USP26: variants seen among roughly 807,000 people sequenced by gnomAD.
USP26 encodes ubiquitin specific peptidase 26.
For missense variants in USP26, 649 were observed against 642.3 expected (o/e 1.01, Z -0.11); for synonymous variants, 236 against 240.6 (o/e 0.98, Z 0.18).
intron 5 of USP26, among the ~76,000 whole-genome samples, chrX:133,081,487 G>C (rs768317700): frequency 1.8e-5 from 2 of 110,083 alleles, no homozygotes; most frequent in South Asian, 7.8e-4. Context: ...GTAGAGATGG[G>C]GTTTCACCTT....
chrX:133,042,210 G>C (rs2067422357), intron 5 of USP26, among the ~76,000 whole-genome samples: 1 of 111,305 alleles, frequency 9.0e-6, no homozygotes, highest in East Asian at 2.8e-4. Flanking sequence ...CTTTCCAAGG[G>C]AGTGAATAGT....
intron 5 of USP26, among the ~76,000 whole-genome samples, chrX:133,040,405 G>C (rs768558693): frequency 9.0e-6 from 1 of 111,410 alleles, no homozygotes; most frequent in East Asian, 2.8e-4. Flanking sequence ...AAATCCCTCA[G>C]CATTTGCTTG....
At chrX:133,069,170 G>A (rs1284083586) in intron 5 of USP26, among the ~76,000 whole-genome samples, 1 of 111,975 alleles carries the variant, frequency 8.9e-6, no homozygotes, top group Non-Finnish European at 1.9e-5. Context: ...CTGGCATTGT[G>A]AAAGGCAATT....
At chrX:133,091,066 T>C (rs190245465) in intron 2 of USP26, among the ~76,000 whole-genome samples, 217 of 112,418 alleles carry the variant, frequency 1.9e-3, no homozygotes, top group Non-Finnish European at 3.6e-3. Context: ...ATGAGCCCAG[T>C]GTCTTTCAGA....
rs770039895 is a variant in USP26, at chrX:133,025,834, T to C, written c.2387A>G (p.Asn796Ser). The change falls in exon 6 of 6, where the codon AAT becomes AGT. Residue 796 changes from asparagine to serine, a missense_variant. Asn to Ser is a conservative substitution (Grantham distance 46, BLOSUM62 1). Coordinates refer to ENST00000511190, the MANE Select transcript of USP26 (RefSeq NM_031907.3). ...ATCTAAAATGTCTTTGTTTCTTGGA[T>C]TCTTATTGGAACCCAGTGCAAGTAG... Reference protein sequence around the residue: ...NSLLALGSNKNPRNKDILDKI... With the variant: ...NSLLALGSNKSPRNKDILDKI... The C allele has an allele frequency of 4.1e-6, 5 of 1,211,063 alleles. No individual in the cohort carries two copies. The highest frequency in any genetic ancestry group is 5.6e-6 in the Non-Finnish European group (5 of 895,093).
rs746595594 is a variant in USP26, at chrX:133,026,935, C to A, written c.1286G>T (p.Gly429Val). The A allele has an allele frequency of 8.3e-6, 10 of 1,211,129 alleles. No individual in the cohort carries two copies. Among genetic ancestry groups the A allele is most frequent in the Non-Finnish European group, 1.0e-5 (9 of 895,332 alleles). ...QVFADDPDTS[G>V]FSCPVITNFE... is the part of the protein sequence containing the mutation. ...ATTAGTAATGACAGGGCAAGAAAAC[C>A]CACTGGTGTCAGGATCATCAGCAAA... Residue 429 changes from glycine to valine, a missense_variant, in exon 6 of 6, where the codon GGG becomes GTG. By Grantham distance (109) the Gly-to-Val change is moderately radical. Transcript: ENST00000511190.
chrX:133,077,767 T>A (rs1214743932), intron 5 of USP26, among the ~76,000 whole-genome samples: 1 of 111,776 alleles, frequency 8.9e-6, no homozygotes, highest in East Asian at 2.8e-4. Flanking sequence ...TCACTCTGAG[T>A]TCATGTGAGA....
chrX:133,095,933 C>T (rs895337378), intron 1 of USP26, among the ~76,000 whole-genome samples: 1 of 109,875 alleles, frequency 9.1e-6, no homozygotes, highest in African/African-American at 3.3e-5. Context: ...TTAGTAGAGA[C>T]GGGGTTTCAC....
At chrX:133,084,577 G>T (rs376421101) in intron 4 of USP26, among the ~76,000 whole-genome samples, 1 of 98,824 alleles carries the variant, frequency 1.0e-5, no homozygotes, top group Non-Finnish European at 2.0e-5. Context: ...GCAGTGGTGC[G>T]ATCTCGGCTC....
At chrX:133,068,844 A>G (rs910492035) in intron 5 of USP26, among the ~76,000 whole-genome samples, 6 of 112,607 alleles carry the variant, frequency 5.3e-5, no homozygotes, top group Non-Finnish European at 9.4e-5. Flanking sequence ...ACTTCTTTAT[A>G]TATAATAAGC....
intron 5 of USP26, among the ~76,000 whole-genome samples, chrX:133,075,312 T>A (rs1199947538): frequency 8.9e-6 from 1 of 112,459 alleles, no homozygotes; most frequent in African/African-American, 3.2e-5. Flanking sequence ...ACTGTGAGGT[T>A]CTGAGGGAAA....
At chrX:133,052,330 G>T (rs946337140) in intron 5 of USP26, among the ~76,000 whole-genome samples, 4 of 111,958 alleles carry the variant, frequency 3.6e-5, no homozygotes, top group Non-Finnish European at 5.6e-5. Flanking sequence ...GGTGGAAATG[G>T]GGACTTGACA....
intron 5 of USP26, among the ~76,000 whole-genome samples, chrX:133,082,772 T>C (rs2067574695): frequency 9.0e-6 from 1 of 111,397 alleles, no homozygotes; most frequent in South Asian, 3.8e-4. Flanking sequence ...AGATAAGATT[T>C]TTGGGATCAC....
chrX:133,027,628 T>C lies in USP26; in HGVS notation c.593A>G (p.Asn198Ser). The C allele has an allele frequency of 8.3e-7, 1 of 1,211,258 alleles. No homozygotes were observed. Reference sequence around the variant, plus strand: ...GGATTTCTTGTATTCTACAGAATTATTTTCTTTCAAGAATTCCTCATTCAT... The same window carrying C: ...GGATTTCTTGTATTCTACAGAATTACTTTCTTTCAAGAATTCCTCATTCAT... ...SEMNEEFLKE[N>S]NSVEYKKSKA... The change falls in exon 6 of 6, where the codon AAT (asparagine) becomes AGT (serine). Residue 198 changes from asparagine to serine, a missense_variant. Asn to Ser is a conservative substitution (Grantham distance 46). Coordinates refer to ENST00000511190, the MANE Select transcript of USP26 (RefSeq NM_031907.3).
chrX:133,068,455 T>A (rs757072554), intron 5 of USP26, among the ~76,000 whole-genome samples: 1 of 112,415 alleles, frequency 8.9e-6, no homozygotes, highest in Non-Finnish European at 1.9e-5. Context: ...AAATAAAATA[T>A]AAAATAGTAT....
In USP26 at chrX:133,025,511, TGCTATTAA is replaced by T. The variant is rs1276900311; in HGVS notation, c.2702_2709del (p.Leu901GlnfsTer23). On this transcript the variant is annotated frameshift_variant, in exon 6 of 6. Transcript: ENST00000511190. LOFTEE classifies it low-confidence loss of function (END_TRUNC). ...TTCTGAAGGGTCTCCTCTACCTCCT[TGCTATTAA>T]GCTGGGCATTCTCTTCTCTTTTCAA... The T allele has an allele frequency of 1.7e-6, 2 of 1,209,274 alleles. No individual in the cohort carries two copies. Among genetic ancestry groups the T allele is most frequent in the Non-Finnish European group, 2.2e-6 (2 of 894,901 alleles).
chrX:133,048,548 A>AT (rs1323116294), intron 5 of USP26, among the ~76,000 whole-genome samples: 2,570 of 87,214 alleles, frequency 0.029, 31 homozygotes, highest in Non-Finnish European at 0.042. Flanking sequence ...GAACAGTTGC[A>AT]TTTTTTTTTT....
At chrX:133,031,874 C>T (rs1199716678) in intron 5 of USP26, among the ~76,000 whole-genome samples, 1 of 111,783 alleles carries the variant, frequency 8.9e-6, no homozygotes, top group Non-Finnish European at 1.9e-5. Flanking sequence ...AGGCTAGGTA[C>T]AGTGGCTCAT....
intron 4 of USP26, among the ~76,000 whole-genome samples, chrX:133,089,796 C>T (rs781557374): frequency 3.6e-5 from 4 of 111,892 alleles, no homozygotes; most frequent in Admixed American, 1.9e-4. Context: ...AAAAGGAAAA[C>T]TGAGGCCCAA....
Sources: allele counts gnomAD v4.1 joint callset (sites outside exome capture counted in the v4.1 genomes callset), GRCh38; gene constraint gnomAD v4.1.1; transcripts MANE v1.5; gene names NCBI Gene and HGNC (gene_info 2026-07-23, HGNC 2026-07-21).